KIF13B: variants seen among roughly 807,000 people sequenced by gnomAD.
KIF13B encodes the protein kinesin family member 13B.
Under a neutral mutation model 222.0 loss-of-function variants are expected in KIF13B, and 127 were observed. That is an observed-to-expected ratio of 0.57 (90% CI 0.50 to 0.66). The LOEUF is 0.66. Among genes scored for constraint, KIF13B ranks in the 30% least tolerant of loss-of-function variants. The pLI, the probability that KIF13B is intolerant of heterozygous loss-of-function variation, is 0.00. For missense variants in KIF13B, 2,173 were observed against 2,379.0 expected (o/e 0.91, Z 1.80); for synonymous variants, 976 against 919.0 (o/e 1.06, Z -1.12).
At chr8:29,256,990 A>G (rs1226217213) in intron 1 of KIF13B, among the ~76,000 whole-genome samples, 3 of 152,264 alleles carry the variant, frequency 2.0e-5, no homozygotes, top group Non-Finnish European at 2.9e-5. Flanking sequence ...CCTGGCCTCA[A>G]GTGATCCACC....
chr8:29,215,608 T>C (rs1814442159), intron 2 of KIF13B, among the ~76,000 whole-genome samples: 1 of 152,134 alleles, frequency 6.6e-6, no homozygotes, highest in Admixed American at 6.5e-5. Flanking sequence ...AGGAGGATTG[T>C]ATGAACCTAG....
rs1810849415 is a variant in KIF13B at position 29,142,254 on chromosome 8, T to C, written c.2237A>G (p.Lys746Arg). 6.2e-7 allele frequency: 1 copy of C among 1,613,844 alleles called. No individual in the cohort carries two copies. The highest frequency in any genetic ancestry group is 8.5e-7 in the Non-Finnish European group (1 of 1,179,826). ...TTCCAAAGACCAAATCTGCTTTCCT[T>C]TTCCTTTTCTTCTCACCTGGATTGC... ...EPAIQVRRKG[K>R]GKQIWSLEKL... The change falls in exon 19 of 40, where the codon AAA (lysine) becomes AGA (arginine). Residue 746 changes from lysine (K) to arginine (R), a missense_variant. Around this residue, in one of 2 missense-constraint regions of KIF13B, gnomAD observed 1,480 missense variants for 1,722.8 expected, o/e 0.86. Coordinates refer to ENST00000524189, the MANE Select transcript of KIF13B (RefSeq NM_015254.4).
intron 2 of KIF13B, among the ~76,000 whole-genome samples, chr8:29,201,460 G>A (rs1246079311): frequency 6.6e-6 from 1 of 152,138 alleles, no homozygotes; most frequent in Non-Finnish European, 1.5e-5. Flanking sequence ...TGAAAATGTT[G>A]TAATACTTCT....
chr8:29,076,946 C>G (rs923395268), intron 37 of KIF13B, among the ~76,000 whole-genome samples: 1 of 152,028 alleles, frequency 6.6e-6, no homozygotes, highest in African/African-American at 2.4e-5. Flanking sequence ...CCACACTCCA[C>G]CCTGGGCAAC....
At chr8:29,072,422 C>T in intron 38 of KIF13B, 106 bp from the exon 39 acceptor site, 1 of 665,000 alleles carries the variant, frequency 1.5e-6, no homozygotes, top group East Asian at 3.4e-5. Flanking sequence ...GGCAGTGGCT[C>T]AGCCTGTAAC....
At chr8:29,218,452 A>G (rs934853952) in intron 2 of KIF13B, among the ~76,000 whole-genome samples, 5 of 152,208 alleles carry the variant, frequency 3.3e-5, no homozygotes, top group African/African-American at 1.2e-4. Flanking sequence ...CATTTCCTTA[A>G]GAAACCATGA....
chr8:29,181,788 T>C (rs990126156), intron 7 of KIF13B, 131 bp downstream of exon 7: 1 of 518,488 alleles, frequency 1.9e-6, no homozygotes, highest in Non-Finnish European at 3.4e-6. Context: ...TTTTTAGGAT[T>C]TTTGTAAAGT....
At chr8:29,253,841 A>C (rs1172172963) in intron 1 of KIF13B, among the ~76,000 whole-genome samples, 1 of 150,506 alleles carries the variant, frequency 6.6e-6, no homozygotes, top group Admixed American at 6.6e-5. Flanking sequence ...AAAAAAAAAA[A>C]AAAAAAAAAA....
intron 32 of KIF13B, among the ~76,000 whole-genome samples, 185 bp from the exon 33 acceptor site, chr8:29,110,255 G>T (rs180867595): frequency 6.6e-6 from 1 of 152,268 alleles, no homozygotes; most frequent in East Asian, 1.9e-4. Context: ...CACTTGAAAG[G>T]CTGGTTAATT....
intron 34 of KIF13B, among the ~76,000 whole-genome samples, chr8:29,108,662 G>A (rs942506941): frequency 5.9e-5 from 9 of 152,178 alleles, no homozygotes; most frequent in East Asian, 5.8e-4. Flanking sequence ...TAAATGAGAC[G>A]TTATCCGCCT....
chr8:29,164,777 A>G (rs1811918812), intron 12 of KIF13B, among the ~76,000 whole-genome samples: 2 of 152,156 alleles, frequency 1.3e-5, no homozygotes, highest in African/African-American at 4.8e-5. Flanking sequence ...ATTATTAGGT[A>G]GACAGACTTT....
intron 31 of KIF13B, among the ~76,000 whole-genome samples, chr8:29,115,699 T>A (rs191346012): frequency 2.7e-3 from 416 of 152,254 alleles, no homozygotes; most frequent in African/African-American, 9.6e-3. Context: ...CAGCTGCAAC[T>A]ATGTGAGAGC....
intron 37 of KIF13B, 61 bp downstream of exon 37, chr8:29,092,684 G>A (rs946051537): frequency 8.7e-6 from 13 of 1,502,766 alleles, no homozygotes; most frequent in East Asian, 4.9e-5. Context: ...CAGCTTTGGC[G>A]CAACACAGAG....
At chr8:29,168,728 C>T (rs896624860) in intron 10 of KIF13B, among the ~76,000 whole-genome samples, 2 of 152,128 alleles carry the variant, frequency 1.3e-5, no homozygotes, top group East Asian at 1.9e-4. Flanking sequence ...ATGATGATGA[C>T]GGCAGCCCCC....
chr8:29,187,144 T>G (rs540560777), intron 5 of KIF13B, among the ~76,000 whole-genome samples: 1 of 152,144 alleles, frequency 6.6e-6, no homozygotes. Flanking sequence ...ACAAAAAATA[T>G]AGGTTCTCCC....
chr8:29,099,213 G>C lies in KIF13B; in HGVS notation c.4244C>G (p.Ser1415Cys). 2.5e-6 allele frequency: 4 copies of C among 1,613,044 alleles called. No homozygotes were observed. The highest frequency in any genetic ancestry group is 3.4e-6 in the Non-Finnish European group (4 of 1,179,444). The change falls in exon 36 of 40, where the codon TCC becomes TGC. Residue 1415 changes from serine to cysteine, a missense_variant. By Grantham distance (112) the Ser-to-Cys change is moderately radical. Around this residue, in one of 2 missense-constraint regions of KIF13B, gnomAD observed 693 missense variants for 656.2 expected, o/e 1.06. Coordinates refer to ENST00000524189, the MANE Select transcript of KIF13B (RefSeq NM_015254.4). ...KGRWESQQDV[S>C]QTTVSRGIAP... ...TATTCCTCTGGAAACTGTGGTTTGGGATACATCCTGCTGACTTTCCCACCG... is the reference window on the plus strand; with the variant it reads ...TATTCCTCTGGAAACTGTGGTTTGGCATACATCCTGCTGACTTTCCCACCG...
At chr8:29,080,270 C>T (rs1347684005) in intron 37 of KIF13B, among the ~76,000 whole-genome samples, 2 of 128,376 alleles carry the variant, frequency 1.6e-5, no homozygotes, top group Middle Eastern at 5.6e-3. Flanking sequence ...GTCGAGGCTG[C>T]AGTAAGCCAT....
intron 8 of KIF13B, among the ~76,000 whole-genome samples, chr8:29,178,809 T>G (rs1309263088): frequency 6.6e-6 from 1 of 152,174 alleles, no homozygotes; most frequent in African/African-American, 2.4e-5. Flanking sequence ...AATATAGCAC[T>G]TTGCCAGGGT....
intron 16 of KIF13B, 56 bp downstream of exon 16, chr8:29,148,514 ATCTCCCC>A (rs1811160146): frequency 7.9e-7 from 1 of 1,266,006 alleles, no homozygotes; most frequent in East Asian, 2.7e-5. Context: ...GGCTCAAGCG[ATCTCCCC>A]ACCTCAGCCT....
Sources: gnomAD v4.1 joint callset for allele counts (sites outside exome capture counted in the v4.1 genomes callset) on GRCh38, gnomAD v4.1.1 for gene constraint, gnomAD v4.1.1 regional missense constraint, MANE v1.5 for transcripts, NCBI Gene and HGNC (gene_info 2026-07-23, HGNC 2026-07-21) for gene names.